NDRG2: variants seen among roughly 807,000 people sequenced by gnomAD.
NDRG2 encodes NDRG family member 2, also known as protein NDRG2.
In NDRG2, 34 loss-of-function variants were observed where a neutral mutation model predicts 58.2. The ratio of observed to expected loss-of-function variants is 0.58; its 90% confidence interval spans 0.44 to 0.78. The LOEUF is 0.78. NDRG2 is among the 30% of genes least tolerant of loss of function. The pLI is 0.00. For missense variants in NDRG2, 434 were observed against 471.2 expected (o/e 0.92, Z 0.73); for synonymous variants, 187 against 175.9 (o/e 1.06, Z -0.50).
At chr14:21,034,083 G>C in intron 1 of NDRG2, 1 of 1,614,088 alleles carries the variant, frequency 6.2e-7, no homozygotes, top group African/African-American at 1.3e-5. Context: ...ATGGATCTTT[G>C]GGCAATCTGA....
chr14:21,035,175 G>A (rs529092973), intron 1 of NDRG2, among the ~76,000 whole-genome samples: 9 of 152,180 alleles, frequency 5.9e-5, no homozygotes, highest in Admixed American at 6.5e-5. Context: ...GACTCCCCAC[G>A]GTCCCTATCA....
At chr14:21,023,218 G>A (rs1005720972) in intron 2 of NDRG2, 23 bp downstream of exon 2, 1 of 1,606,934 alleles carries the variant, frequency 6.2e-7, no homozygotes, top group Non-Finnish European at 8.5e-7. Context: ...TTTGGGCATG[G>A]GAGTCAAACG....
intron 10 of NDRG2, 98 bp from the exon 11 acceptor site, chr14:21,019,258 A>G (rs912301694): frequency 1.1e-5 from 14 of 1,222,396 alleles, no homozygotes; most frequent in Non-Finnish European, 1.6e-5. Context: ...TTGTCTAAAA[A>G]TTACGGTCAA....
intron 1 of NDRG2, chr14:21,032,808 C>T (rs1884315002): frequency 2.6e-6 from 1 of 384,716 alleles, no homozygotes. Flanking sequence ...TAAATCACAA[C>T]AGAGTCAGAT....
In NDRG2 at chr14:21,070,506, G is replaced by C; in HGVS notation, c.24+322C>G. The stretch of plus-strand genomic sequence containing the variant: ...CTCCCGAGCCTGCCTCGGACTGTTC[G>C]GCCCCTCTGGGACTCTCCTCCCTCC... On this transcript the variant is annotated intron_variant, in intron 1 of 14. Coordinates refer to the NDRG2 transcript ENST00000403829. The surrounding 1 kb of genome is among the most constrained non-coding windows in gnomAD (Gnocchi z 4.7). The C allele has an allele frequency of 7.7e-7, 1 of 1,296,100 alleles. No homozygotes were observed. 80.3% of individuals were successfully genotyped at this position (1,296,100 alleles called of 1,614,324 possible).
At chr14:21,057,633 A>ATATATG (rs1885738303) in intron 1 of NDRG2, among the ~76,000 whole-genome samples, 1 of 148,230 alleles carries the variant, frequency 6.7e-6, no homozygotes, top group African/African-American at 2.5e-5. Flanking sequence ...ATATATATAT[A>ATATATG]TATGTGAGAA....
At chr14:21,033,616 T>G in intron 1 of NDRG2, 2 of 594,340 alleles carry the variant, frequency 3.4e-6, no homozygotes, top group Non-Finnish European at 3.0e-6. Flanking sequence ...GAAGAGGGGG[T>G]AAACAAGCTG....
upstream of NDRG2, among the ~76,000 whole-genome samples, chr14:21,027,002 G>C (rs552473497): frequency 9.2e-5 from 14 of 152,264 alleles, no homozygotes; most frequent in African/African-American, 3.1e-4. Context: ...TACTTGGAGT[G>C]GGGGAGGGAA....
At chr14:21,054,033 C>CT (rs1885576245) in intron 1 of NDRG2, among the ~76,000 whole-genome samples, 1 of 152,130 alleles carries the variant, frequency 6.6e-6, no homozygotes, top group Non-Finnish European at 1.5e-5. Flanking sequence ...TGATTGTAGT[C>CT]TGAGTTGTAC....
intron 1 of NDRG2, among the ~76,000 whole-genome samples, chr14:21,069,591 C>T (rs1886510859): frequency 6.6e-6 from 1 of 152,248 alleles, no homozygotes; most frequent in African/African-American, 2.4e-5. Context: ...ATGTCCGCCC[C>T]CTATCCCAAG....
Position 21,018,205 on chromosome 14 carries a change from TGAGTCAGCTGGGGCTGACCTCCG to T in NDRG2, c.873_895del (p.Gly292AlafsTer41), listed in dbSNP as rs1272553381. 18 of 1,613,776 alleles carry T rather than the reference TGAGTCAGCTGGGGCTGACCTCCG, an allele frequency of 1.1e-5. No individual in the cohort carries two copies. The highest frequency in any genetic ancestry group is 1.2e-5 in the Non-Finnish European group (14 of 1,180,010). On this transcript the variant is annotated frameshift_variant and splice_region_variant, in exon 14 of 16. Coordinates refer to ENST00000556147, the MANE Select transcript of NDRG2 (RefSeq NM_001320329.2). LOFTEE classifies it high-confidence loss of function. Reference sequence around the variant, plus strand: ...CCCATGGACGGCAGCGGCACTCACCTGAGTCAGCTGGGGCTGACCTCCGGAGTCAGCCATCTGTTCAGGAGAGC... The same window carrying T: ...CCCATGGACGGCAGCGGCACTCACCTGAGTCAGCCATCTGTTCAGGAGAGC...
chr14:21,019,785 AAAC>A (rs767412310), intron 9 of NDRG2, 43 bp from the exon 10 acceptor site: 18 of 1,535,272 alleles, frequency 1.2e-5, no homozygotes, highest in East Asian at 2.2e-5. Flanking sequence ...TGGAAAGAGA[AAAC>A]AACAATTACT....
At chr14:21,046,396 C>T (rs1885146055) in intron 1 of NDRG2, among the ~76,000 whole-genome samples, 5 of 151,984 alleles carry the variant, frequency 3.3e-5, no homozygotes. Context: ...ATGACACATG[C>T]CTGTAGTCCC....
chr14:21,026,200 A>G (rs1883601241), upstream of NDRG2, among the ~76,000 whole-genome samples: 1 of 152,096 alleles, frequency 6.6e-6, no homozygotes, highest in South Asian at 2.1e-4. Flanking sequence ...TGCCCCTCGG[A>G]GGAAGGCTCC....
At chr14:21,022,960 A>G (rs1431371548) in intron 2 of NDRG2, 55 bp from the exon 3 acceptor site, 2 of 1,599,310 alleles carry the variant, frequency 1.3e-6, no homozygotes, top group South Asian at 2.2e-5. Flanking sequence ...GGCGTCCCAG[A>G]TGGAGAGACA....
At chr14:21,048,928 T>C (rs1594506445) in intron 1 of NDRG2, among the ~76,000 whole-genome samples, 1 of 152,286 alleles carries the variant, frequency 6.6e-6, no homozygotes, top group South Asian at 2.1e-4. Context: ...TTTCTGTAGA[T>C]AAGGTTATTT....
rs769551465 is a variant in NDRG2 at position 21,022,408 on chromosome 14, G to A, written c.207C>T (p.His69=). The part of the protein sequence containing the change: ...KPKRPAILTY[H]DVGLNYKSCF... ...GGTCCTTACAGTTGAGTCCCACATC[G>A]TGGTAGGTAAGGATCGCTGGGCGTT... The change falls in exon 4 of 16, where the codon CAC becomes CAT. Residue 69 remains histidine (H), a synonymous_variant. Coordinates refer to ENST00000556147, the MANE Select transcript of NDRG2 (RefSeq NM_001320329.2). 1.2e-5 allele frequency: 20 copies of A among 1,613,710 alleles called. No individual in the cohort carries two copies. The highest frequency in any genetic ancestry group is 1.5e-5 in the Non-Finnish European group (18 of 1,179,640).
chr14:21,030,864 G>A (rs1042533075), intron 1 of NDRG2: 3 of 1,507,084 alleles, frequency 2.0e-6, no homozygotes, highest in African/African-American at 2.8e-5. Flanking sequence ...AGCACCACAG[G>A]GTACCTGGCG....
At chr14:21,063,605 G>A (rs1378320908) in intron 1 of NDRG2, among the ~76,000 whole-genome samples, 1 of 152,168 alleles carries the variant, frequency 6.6e-6, no homozygotes, top group South Asian at 2.1e-4. Context: ...AAGTCTGGAG[G>A]ATGGGAATGA....
Sources: allele counts gnomAD v4.1 joint callset (sites outside exome capture counted in the v4.1 genomes callset), GRCh38; gene constraint gnomAD v4.1.1; non-coding constraint Gnocchi (gnomAD v3.1); transcripts MANE v1.5; gene names NCBI Gene and HGNC (gene_info 2026-07-23, HGNC 2026-07-21).